The following STPG2 variants were observed in gnomAD, a reference collection of about 807,000 sequenced individuals.
STPG2 encodes the protein sperm-tail PG-rich repeat-containing protein 2.
Under a neutral mutation model 54.2 loss-of-function variants are expected in STPG2, and 56 were observed. The observed-to-expected ratio is 1.03, with a 90% CI of 0.83 to 1.29. STPG2 has a LOEUF of 1.29. STPG2 is among the 50% of genes most tolerant of loss of function. The pLI is 0.00. For synonymous variants in STPG2, 200 were observed against 181.8 expected (o/e 1.10, Z -0.81); for missense variants, 596 against 544.9 (o/e 1.09, Z -0.93).
At chr4:97,723,374 G>A (rs139429061) in intron 9 of STPG2, among the ~76,000 whole-genome samples, 16 of 152,176 alleles carry the variant, frequency 1.1e-4, no homozygotes, top group African/African-American at 3.6e-4. Flanking sequence ...ATTGGATACT[G>A]TGTTCACTAT....
In STPG2 at chr4:97,936,844, T is replaced by C. The variant is rs147266812; in HGVS notation, c.1044+7053A>G. ...TTCATTTCAACCTTAGAGAATCTGATGATTATGTGTCTTGGGGTTGATCTA... is the reference window on the plus strand; with the variant it reads ...TTCATTTCAACCTTAGAGAATCTGACGATTATGTGTCTTGGGGTTGATCTA... On this transcript the variant is annotated intron_variant, in intron 8 of 10. Transcript: ENST00000295268. Among the ~76,000 whole-genome samples the C allele has an allele frequency of 8.1e-3, 1,236 of 152,252 alleles. 20 individuals carry two copies. Among genetic ancestry groups the C allele is most frequent in the Admixed American group, 9.4e-3 (143 of 15,286 alleles).
rs1388453998 is a variant in STPG2 at position 97,470,689 on chromosome 4, G to C, written c.462+242010C>G. Among the ~76,000 whole-genome samples, 3 of 151,840 alleles carry C rather than the reference G, an allele frequency of 2.0e-5. No homozygotes were observed. The East Asian group carries it at 5.8e-4, about 29-fold the overall frequency. ...ACTGTAATAAAAGTTATATGAATGT[G>C]GTCTTTCTCTTTCTCTCAATATATC... On this transcript the variant is annotated intron_variant, in intron 4 of 4. Transcript: ENST00000522676.
chr4:98,056,158 A>G (rs991159750), intron 5 of STPG2, among the ~76,000 whole-genome samples: 29 of 152,232 alleles, frequency 1.9e-4, no homozygotes, highest in Admixed American at 1.0e-3. Flanking sequence ...GCAGGCACAG[A>G]GCCAACAAGC....
chr4:97,478,471 G>A (rs549815720), intron 4 of STPG2, among the ~76,000 whole-genome samples: 3 of 152,154 alleles, frequency 2.0e-5, no homozygotes, highest in African/African-American at 7.2e-5. Context: ...GACGATCACT[G>A]TAATTTTCTT....
intron 9 of STPG2, among the ~76,000 whole-genome samples, chr4:97,782,465 G>C (rs552734942): frequency 6.6e-6 from 1 of 152,068 alleles, no homozygotes; most frequent in Non-Finnish European, 1.5e-5. Context: ...CATGCTCATG[G>C]ATAGGAAGAA....
At chr4:98,036,597 G>T (rs1179858871) in intron 5 of STPG2, among the ~76,000 whole-genome samples, 2 of 151,854 alleles carry the variant, frequency 1.3e-5, no homozygotes, top group African/African-American at 4.8e-5. Context: ...ATAAGTGGGA[G>T]CTAAATGATG....
At chr4:98,006,345 C>G (rs1735574239) in intron 5 of STPG2, among the ~76,000 whole-genome samples, 1 of 152,180 alleles carries the variant, frequency 6.6e-6, no homozygotes, top group Admixed American at 6.5e-5. Flanking sequence ...AGCACATTGT[C>G]TCTCCCAATA....
At chr4:97,672,166 CTTTTTTT>C (rs70953079) in intron 10 of STPG2, among the ~76,000 whole-genome samples, 2 of 80,686 alleles carry the variant, frequency 2.5e-5, no homozygotes, top group South Asian at 5.2e-4. Flanking sequence ...ACTGGTAATT[CTTTTTTT>C]TTTTTTTTTT....
chr4:98,013,089 G>A (rs1735809930), intron 5 of STPG2, among the ~76,000 whole-genome samples: 1 of 152,122 alleles, frequency 6.6e-6, no homozygotes, highest in Admixed American at 6.6e-5. Context: ...CTGTTGGTTT[G>A]TTATAAATGG....
intron 4 of STPG2, among the ~76,000 whole-genome samples, chr4:97,507,387 C>A (rs1310481569): frequency 6.6e-6 from 1 of 152,014 alleles, no homozygotes; most frequent in Non-Finnish European, 1.5e-5. Flanking sequence ...ATACACAGAA[C>A]AAATTGACAA....
At chr4:97,535,691 A>G (rs1560648346) in intron 4 of STPG2, among the ~76,000 whole-genome samples, 1 of 152,172 alleles carries the variant, frequency 6.6e-6, no homozygotes, top group Non-Finnish European at 1.5e-5. Flanking sequence ...TACATTGATT[A>G]AAATAATTAT....
At chr4:97,796,650 G>A (rs913947206) in intron 9 of STPG2, among the ~76,000 whole-genome samples, 13 of 152,120 alleles carry the variant, frequency 8.5e-5, no homozygotes, top group Non-Finnish European at 1.6e-4. Flanking sequence ...CTCCAGCTTT[G>A]TTCTTTTGGC....
chr4:97,654,072 T>C (rs1257007255), intron 10 of STPG2, among the ~76,000 whole-genome samples: 2 of 152,188 alleles, frequency 1.3e-5, no homozygotes, highest in African/African-American at 4.8e-5. Flanking sequence ...TGTGTTTTAC[T>C]ATGTGAGAAG....
At chr4:97,767,950 C>G (rs1292091295) in intron 9 of STPG2, among the ~76,000 whole-genome samples, 3 of 151,968 alleles carry the variant, frequency 2.0e-5, no homozygotes, top group East Asian at 1.9e-4. Context: ...GGCAGATCAC[C>G]AGGTCAGGAG....
At chr4:97,933,147 T>A (rs1024938567) in intron 8 of STPG2, among the ~76,000 whole-genome samples, 1 of 152,240 alleles carries the variant, frequency 6.6e-6, no homozygotes, top group Non-Finnish European at 1.5e-5. Flanking sequence ...CATTTGTTTA[T>A]TGGCCATATA....
intron 8 of STPG2, among the ~76,000 whole-genome samples, chr4:97,845,054 T>G (rs1167936348): frequency 6.6e-6 from 1 of 152,014 alleles, no homozygotes; most frequent in Non-Finnish European, 1.5e-5. Context: ...ATTAAGATTC[T>G]CTATTGGCTC....
chr4:97,860,765 A>T (rs879655254), intron 8 of STPG2, among the ~76,000 whole-genome samples: 16 of 152,078 alleles, frequency 1.1e-4, no homozygotes, highest in Non-Finnish European at 1.8e-4. Context: ...GATGCATTTT[A>T]TTACTTTCTC....
chr4:98,134,382 G>A lies in STPG2; in HGVS notation c.187C>T (p.Pro63Ser), dbSNP rs1357095102. 1.9e-6 allele frequency: 3 copies of A among 1,581,328 alleles called. No individual in the cohort carries two copies. The highest frequency in any genetic ancestry group is 2.6e-6 in the Non-Finnish European group (3 of 1,161,156). Residue 63 changes from proline to serine, a missense_variant, in exon 2 of 11, where the codon CCA becomes TCA. Pro to Ser is a moderately conservative substitution (Grantham distance 74). Coordinates refer to ENST00000295268, the MANE Select transcript of STPG2 (RefSeq NM_174952.3). ...GAAACATTATAGTGTCCTGGACCTG[G>A]AACAGCTTTCTCAATGCTAGAGGCA... is the stretch of plus-strand genomic sequence containing the variant. Reference protein sequence around the residue: ...TIASSIEKAVPGPGHYNVSEA... With the variant: ...TIASSIEKAVSGPGHYNVSEA...
chr4:97,585,293 A>C (rs1031437785), intron 10 of STPG2, among the ~76,000 whole-genome samples: 4 of 151,904 alleles, frequency 2.6e-5, no homozygotes, highest in Admixed American at 6.6e-5. Context: ...ATATCCAGTG[A>C]ACACCATCAA....
Sources: gnomAD v4.1 joint callset for allele counts (sites outside exome capture counted in the v4.1 genomes callset) on GRCh38, gnomAD v4.1.1 for gene constraint, MANE v1.5 for transcripts, NCBI Gene and HGNC (gene_info 2026-07-23, HGNC 2026-07-21) for gene names.